PTPRT: variants seen among roughly 807,000 people sequenced by gnomAD.
The protein encoded by PTPRT is protein tyrosine phosphatase receptor type T.
PTPRT carries 56 observed loss-of-function variants against 176.8 expected under a neutral mutation model. The ratio of observed to expected loss-of-function variants is 0.32; its 90% CI spans 0.26 to 0.40. The LOEUF is 0.40. Ranked by LOEUF, PTPRT falls within the 10% of genes least tolerant of loss-of-function variation. PTPRT has a pLI of 1.00. For missense variants in PTPRT, 1,540 were observed against 1,908.2 expected, an observed-to-expected ratio of 0.81 and a Z score of 3.60; for synonymous variants, 783 against 739.0, an observed-to-expected ratio of 1.06 and a Z score of -0.96.
intron 6 of PTPRT, among the ~76,000 whole-genome samples, chr20:42,720,178 G>A (rs1239819474): frequency 6.6e-6 from 1 of 152,214 alleles, no homozygotes; most frequent in Non-Finnish European, 1.5e-5. Context: ...TGCTGAACAA[G>A]GAAGAAAAGT....
chr20:42,650,175 T>C (rs1341833659), intron 7 of PTPRT, among the ~76,000 whole-genome samples: 1 of 152,218 alleles, frequency 6.6e-6, no homozygotes, highest in Admixed American at 6.5e-5. Context: ...GCTCCTTTTT[T>C]ACAGGTGATG....
intron 9 of PTPRT, among the ~76,000 whole-genome samples, chr20:42,384,972 A>G (rs986374771): frequency 2.0e-5 from 3 of 152,216 alleles, no homozygotes; most frequent in African/African-American, 7.2e-5. Flanking sequence ...AGTTCCTTAT[A>G]TAATTTGGAT....
At position 42,769,467 on chromosome 20, in the gene PTPRT, C is replaced by T. The variant is rs552589238; in HGVS notation, c.684+1968G>A. ...AAATGCTAAAATTAAAAAGACTGAC[C>T]ATACTGAGTGCTGGTGAGGATATGG... On this transcript the variant is annotated intron_variant, in intron 5 of 30. Transcript: ENST00000373187. 1.7e-4 allele frequency among the ~76,000 whole-genome samples: 26 copies of T among 152,236 alleles called. No individual in the cohort carries two copies. In the South Asian group the frequency reaches 5.2e-3, roughly 30 times the overall value.
chr20:42,377,258 A>T (rs968096635), intron 9 of PTPRT, among the ~76,000 whole-genome samples: 1 of 152,158 alleles, frequency 6.6e-6, no homozygotes, highest in African/African-American at 2.4e-5. Flanking sequence ...TGTGAGCCCA[A>T]GTGGACCCCT....
intron 9 of PTPRT, among the ~76,000 whole-genome samples, chr20:42,385,928 A>C (rs2058740310): frequency 6.6e-6 from 1 of 152,218 alleles, no homozygotes; most frequent in Non-Finnish European, 1.5e-5. Flanking sequence ...CAGAAGGTTA[A>C]AAGTTTGCTA....
chr20:43,182,685 G>T (rs113580408), intron 1 of PTPRT, among the ~76,000 whole-genome samples: 4 of 152,000 alleles, frequency 2.6e-5, no homozygotes, highest in Non-Finnish European at 5.9e-5. Flanking sequence ...GCCACCACTC[G>T]CCCGGCCGTG....
chr20:42,190,586 T>A (rs1350323025), intron 16 of PTPRT, among the ~76,000 whole-genome samples: 1 of 152,190 alleles, frequency 6.6e-6, no homozygotes, highest in Non-Finnish European at 1.5e-5. Context: ...CTAGTGATTC[T>A]CTGAATCACC....
chr20:42,109,278 TC>T (rs1467874956), intron 23 of PTPRT, among the ~76,000 whole-genome samples: 1 of 151,990 alleles, frequency 6.6e-6, no homozygotes, highest in Non-Finnish European at 1.5e-5. Flanking sequence ...GCATCCAGGG[TC>T]TGAAAAGATG....
At position 42,989,499 on chromosome 20, in the gene PTPRT, T is replaced by G. The variant is rs185806231; in HGVS notation, c.89-103567A>C. ...GGTCACAGCAAGTGAGCACTGGGCT[T>G]TCCCAGTGAGGCTGACAAGGACTGC... On this transcript the variant is annotated intron_variant, in intron 1 of 30. Transcript: ENST00000373187. Among the ~76,000 whole-genome samples the G allele has an allele frequency of 3.3e-3, 509 of 152,290 alleles. 6 individuals are homozygous for G. Among genetic ancestry groups the G allele is most frequent in the African/African-American group, 0.012 (494 of 41,568 alleles).
intron 8 of PTPRT, among the ~76,000 whole-genome samples, chr20:42,460,272 G>A (rs1021853003): frequency 3.9e-5 from 6 of 152,166 alleles, no homozygotes; most frequent in African/African-American, 1.2e-4. Flanking sequence ...GTGGATCCAG[G>A]GTCAGCAAAC....
chr20:42,070,799 A>C (rs550841194), downstream of PTPRT, among the ~76,000 whole-genome samples: 4 of 152,176 alleles, frequency 2.6e-5, no homozygotes, highest in Admixed American at 6.5e-5. Context: ...CTTTCAAGTG[A>C]GTATGTGCTA....
chr20:42,832,453 A>T (rs2078105395), intron 2 of PTPRT, among the ~76,000 whole-genome samples: 1 of 152,090 alleles, frequency 6.6e-6, no homozygotes, highest in Non-Finnish European at 1.5e-5. Flanking sequence ...AAACCCCACA[A>T]CACGAATCTT....
chr20:43,063,325 G>C (rs764512036), intron 1 of PTPRT: 5 of 152,058 alleles, frequency 3.3e-5, no homozygotes, highest in Admixed American at 2.6e-4. Context: ...AGCCAACTTC[G>C]GGATGTGAGG....
chr20:42,157,737 C>A (rs1464878110), intron 17 of PTPRT, among the ~76,000 whole-genome samples: 2 of 152,184 alleles, frequency 1.3e-5, no homozygotes, highest in Non-Finnish European at 2.9e-5. Flanking sequence ...GGAGTTTTTA[C>A]CTGCTTACAA....
intron 1 of PTPRT, among the ~76,000 whole-genome samples, chr20:42,894,574 G>A (rs189450646): frequency 2.6e-4 from 39 of 152,152 alleles, no homozygotes; most frequent in African/African-American, 8.9e-4. Context: ...GTGGCAAAGC[G>A]TGGCTTTGAA....
intron 2 of PTPRT, among the ~76,000 whole-genome samples, chr20:42,861,671 G>C (rs1440269015): frequency 2.0e-5 from 3 of 152,102 alleles, no homozygotes; most frequent in African/African-American, 7.2e-5. Context: ...GGACTAGAAA[G>C]AGTGTCTGGA....
chr20:42,562,625 C>A (rs2072971124), intron 7 of PTPRT, among the ~76,000 whole-genome samples: 1 of 152,126 alleles, frequency 6.6e-6, no homozygotes, highest in Non-Finnish European at 1.5e-5. Context: ...TTCCATGGTC[C>A]AGTACCAGGG....
At chr20:42,358,086 GAA>G (rs35971618) in intron 9 of PTPRT, among the ~76,000 whole-genome samples, 4 of 143,068 alleles carry the variant, frequency 2.8e-5, no homozygotes, top group South Asian at 2.2e-4. Flanking sequence ...GAGAAATCTG[GAA>G]AAAAAAAAAA....
Position 42,536,484 on chromosome 20 carries a change from G to A in PTPRT, c.1154-63922C>T, listed in dbSNP as rs189141560. Among the ~76,000 whole-genome samples, 334 of 152,062 alleles carry A rather than the reference G, an allele frequency of 2.2e-3. 2 individuals are homozygous for A. The highest frequency in any genetic ancestry group is 6.7e-3 in the African/African-American group (278 of 41,474). On this transcript the variant is annotated intron_variant, in intron 7 of 30. Transcript: ENST00000373187. ...GTCCCTAATACTTCTTTACTCTACC[G>A]TAGCACATTTGTCAGGAGATACCTG...
Sources: gnomAD v4.1 joint callset for allele counts (sites outside exome capture counted in the v4.1 genomes callset) on GRCh38, gnomAD v4.1.1 for gene constraint, MANE v1.5 for transcripts, NCBI Gene and HGNC (gene_info 2026-07-23, HGNC 2026-07-21) for gene names.